The following PACRG variants were observed in gnomAD, a reference collection of about 807,000 sequenced individuals.
The protein encoded by PACRG is parkin coregulated gene protein.
PACRG carries 29 observed loss-of-function variants against 29.7 expected under a neutral mutation model. That is an observed-to-expected ratio of 0.98 (90% CI 0.73 to 1.33). The LOEUF is 1.33. PACRG is among the 40% of genes most tolerant of loss of function. The pLI is 0.00. For synonymous variants in PACRG, 116 were observed against 118.7 expected (o/e 0.98, Z 0.15); for missense variants, 279 against 316.2 (o/e 0.88, Z 0.89).
At chr6:163,069,812 GTT>G (rs1368895985) in intron 3 of PACRG, among the ~76,000 whole-genome samples, 2 of 152,056 alleles carry the variant, frequency 1.3e-5, no homozygotes, top group Non-Finnish European at 2.9e-5. Flanking sequence ...GTACAAGATG[GTT>G]ATAAAACACC....
At chr6:162,808,919 T>C (rs1262206992) in intron 1 of PACRG, among the ~76,000 whole-genome samples, 1 of 152,010 alleles carries the variant, frequency 6.6e-6, no homozygotes, top group African/African-American at 2.4e-5. Flanking sequence ...CAGAGTCGTT[T>C]TGCTTGTTTT....
chr6:163,223,689 G>C (rs1781674794), intron 4 of PACRG, among the ~76,000 whole-genome samples: 1 of 152,222 alleles, frequency 6.6e-6, no homozygotes. Flanking sequence ...GGTCAGAAAA[G>C]GCTTGAGGTA....
chr6:162,891,184 G>A (rs961024670), intron 2 of PACRG, among the ~76,000 whole-genome samples: 13 of 152,204 alleles, frequency 8.5e-5, no homozygotes, highest in African/African-American at 2.7e-4. Context: ...GACCCCAGCA[G>A]CACTGCACTT....
chr6:163,275,571 C>T (rs2128181876), intron 4 of PACRG, among the ~76,000 whole-genome samples: 1 of 152,256 alleles, frequency 6.6e-6, no homozygotes, highest in East Asian at 1.9e-4. Flanking sequence ...AAATTTCTGA[C>T]ATATTTTATT....
At chr6:162,887,780 G>T (rs1038466944) in intron 2 of PACRG, among the ~76,000 whole-genome samples, 2 of 151,664 alleles carry the variant, frequency 1.3e-5, no homozygotes, top group Non-Finnish European at 2.9e-5. Flanking sequence ...TTTGCAGAGT[G>T]CCCAGTCCCA....
At chr6:163,110,285 A>G (rs1449938070) in intron 4 of PACRG, among the ~76,000 whole-genome samples, 2 of 152,232 alleles carry the variant, frequency 1.3e-5, no homozygotes, top group African/African-American at 4.8e-5. Context: ...CATGCCATAG[A>G]AAAAACCATT....
chr6:163,134,487 C>T (rs1458793527), intron 4 of PACRG, among the ~76,000 whole-genome samples: 1 of 152,116 alleles, frequency 6.6e-6, no homozygotes, highest in Non-Finnish European at 1.5e-5. Flanking sequence ...CTGTACTATA[C>T]TAAAGTTCTA....
chr6:163,061,984 A>G (rs1419330422), intron 2 of PACRG, among the ~76,000 whole-genome samples, 166 bp from the exon 3 acceptor site: 1 of 152,174 alleles, frequency 6.6e-6, no homozygotes, highest in African/African-American at 2.4e-5. Flanking sequence ...TCATTGATTC[A>G]GGACATGATG....
intron 4 of PACRG, among the ~76,000 whole-genome samples, chr6:163,197,607 C>T (rs1780526441): frequency 7.8e-6 from 1 of 127,560 alleles, no homozygotes; most frequent in Admixed American, 8.1e-5. Context: ...CCACGCCCGG[C>T]TAATTTTTTT....
intron 3 of PACRG, among the ~76,000 whole-genome samples, chr6:163,066,671 C>G (rs964773503): frequency 5.9e-5 from 9 of 152,030 alleles, no homozygotes; most frequent in Non-Finnish European, 8.8e-5. Flanking sequence ...CAAGGAAGGG[C>G]TAAGAACCAA....
chr6:162,964,344 G>T (rs952845910), intron 2 of PACRG, among the ~76,000 whole-genome samples: 9 of 152,120 alleles, frequency 5.9e-5, no homozygotes, highest in African/African-American at 1.9e-4. Context: ...ATGACTTTTT[G>T]AACTATTTTT....
chr6:162,881,876 G>A (rs1158189129), intron 2 of PACRG, among the ~76,000 whole-genome samples: 3 of 136,830 alleles, frequency 2.2e-5, no homozygotes, highest in Non-Finnish European at 4.6e-5. Context: ...ACCAGGGGGC[G>A]CTCTCCACCA....
intron 4 of PACRG, among the ~76,000 whole-genome samples, chr6:163,293,712 G>A (rs1470490184): frequency 6.6e-6 from 1 of 152,158 alleles, no homozygotes; most frequent in African/African-American, 2.4e-5. Context: ...ATTAGAGAAA[G>A]TGAACATAAA....
chr6:163,237,230 G>A (rs1284519258), intron 4 of PACRG, among the ~76,000 whole-genome samples: 1 of 152,046 alleles, frequency 6.6e-6, no homozygotes, highest in Non-Finnish European at 1.5e-5. Context: ...TGGTGGGTGG[G>A]GTTTTTTTGG....
At chr6:163,177,710 A>G (rs201673042) in intron 4 of PACRG, among the ~76,000 whole-genome samples, 1 of 53,744 alleles carries the variant, frequency 1.9e-5, no homozygotes, top group Non-Finnish European at 3.1e-5. Context: ...TAGAAAAGGG[A>G]TTTTTTTTTT....
chr6:162,732,663 G>C (rs1779860333), intron 1 of PACRG, among the ~76,000 whole-genome samples: 1 of 152,080 alleles, frequency 6.6e-6, no homozygotes, highest in South Asian at 2.1e-4. Flanking sequence ...AATGATGAAG[G>C]GACCAAGTGG....
At chr6:163,197,068 C>T (rs6455871) in intron 4 of PACRG, among the ~76,000 whole-genome samples, 57,753 of 151,942 alleles carry the variant, frequency 0.38, 11,704 homozygotes, top group African/African-American at 0.52. Flanking sequence ...GTAAGAAGAA[C>T]TCGTGGTCAT....
chr6:162,917,897 C>A (rs1042723392), intron 2 of PACRG, among the ~76,000 whole-genome samples: 4 of 152,152 alleles, frequency 2.6e-5, no homozygotes, highest in African/African-American at 9.7e-5. Context: ...ATGTCTATGT[C>A]ATCATTCTTG....
intron 1 of PACRG, among the ~76,000 whole-genome samples, chr6:162,739,915 C>T (rs967991333): frequency 6.7e-6 from 1 of 148,270 alleles, no homozygotes; most frequent in Admixed American, 6.7e-5. Flanking sequence ...AAGGTTTCTT[C>T]TATGTGTTTT....
Sources: allele counts gnomAD v4.1 joint callset (sites outside exome capture counted in the v4.1 genomes callset), GRCh38; gene constraint gnomAD v4.1.1; transcripts MANE v1.5; gene names NCBI Gene and HGNC (gene_info 2026-07-23, HGNC 2026-07-21).